Variants in TBC1D7 observed in about 807,000 individuals in gnomAD.
TBC1D7 encodes TBC1 domain family member 7, also known as TBC domain family 7.
TBC1D7 carries 33 observed loss-of-function variants against 35.3 expected under a neutral mutation model. That is an observed-to-expected ratio of 0.93 (90% CI 0.71 to 1.25). The LOEUF (loss-of-function observed/expected upper bound fraction) is 1.25, where lower values mean the gene tolerates loss of function less well. TBC1D7 is among the 50% of genes most tolerant of loss of function. The pLI, the probability that TBC1D7 is intolerant of heterozygous loss-of-function variation, is 0.00. For missense variants in TBC1D7, 362 were observed against 365.3 expected (o/e 0.99, Z 0.07); for synonymous variants, 135 against 129.5 (o/e 1.04, Z -0.29).
chr6:13,314,695 T>G (rs550384788), intron 5 of TBC1D7, among the ~76,000 whole-genome samples: 1 of 152,204 alleles, frequency 6.6e-6, no homozygotes, highest in African/African-American at 2.4e-5. Flanking sequence ...TCTCAGAAGC[T>G]GAAGGGTCTT....
chr6:13,309,217 AAC>A (rs1226625199), intron 5 of TBC1D7, among the ~76,000 whole-genome samples: 1 of 152,220 alleles, frequency 6.6e-6, no homozygotes, highest in Admixed American at 6.5e-5. Flanking sequence ...CTTGGTTGAA[AAC>A]ACACACACAG....
rs758759342 is a variant in TBC1D7 at position 13,320,966 on chromosome 6, T to TA, written c.322dup (p.Tyr108LeufsTer24). 88 of 1,614,070 alleles carry TA rather than the reference T, an allele frequency of 5.5e-5. No homozygotes were observed. Among genetic ancestry groups the TA allele is most frequent in the Non-Finnish European group, 6.8e-5 (80 of 1,180,040 alleles). Reference sequence around the variant, plus strand: ...AGACTCCAGCTGATACATGCGGAGATAGACTTCAGCCTGAGGTGTGGCATC... The same window carrying TA: ...AGACTCCAGCTGATACATGCGGAGATAAGACTTCAGCCTGAGGTGTGGCATC... On this transcript the variant is annotated frameshift_variant, in exon 4 of 8. Coordinates refer to ENST00000379300, the MANE Select transcript of TBC1D7 (RefSeq NM_016495.6). LOFTEE classifies it high-confidence loss of function.
chr6:13,316,704 G>C lies in TBC1D7; in HGVS notation c.386C>G (p.Pro129Arg). Residue 129 changes from proline to arginine, a missense_variant, in exon 5 of 8, where the codon CCA (proline) becomes CGA (arginine). Pro to Arg is a moderately radical substitution (Grantham distance 103, BLOSUM62 -2). Transcript: ENST00000379300. The stretch of plus-strand genomic sequence containing the variant: ...TATGGCAAGAAACACTTCATCATCT[G>C]GCTCCTGAAAGATTAATAATAAATC... ...LPRSPSFPLE[P>R]DDEVFLAIAK... is the part of the protein sequence containing the mutation. The C allele has an allele frequency of 6.2e-7, 1 of 1,613,608 alleles. No homozygotes were observed. Among genetic ancestry groups the C allele is most frequent in the East Asian group, 2.2e-5 (1 of 44,886 alleles).
At chr6:13,318,771 G>A (rs138622593) in intron 4 of TBC1D7, 4 of 152,230 alleles carry the variant, frequency 2.6e-5, no homozygotes, top group African/African-American at 9.6e-5. Context: ...GAAGGAGAAG[G>A]GAAAACTCTT....
chr6:13,312,195 C>T (rs1255201457), intron 5 of TBC1D7, among the ~76,000 whole-genome samples: 1 of 152,142 alleles, frequency 6.6e-6, no homozygotes. Flanking sequence ...AAATTTAGCA[C>T]TGCCTGACAT....
intron 5 of TBC1D7, among the ~76,000 whole-genome samples, chr6:13,311,029 T>C (rs1224165260): frequency 3.3e-5 from 5 of 152,164 alleles, no homozygotes; most frequent in Non-Finnish European, 4.4e-5. Context: ...TCTTACTTCA[T>C]GAGGACAATA....
rs529603143 is a variant in TBC1D7 at position 13,308,826 on chromosome 6, G to T, written c.520-1081C>A. On this transcript the variant is annotated intron_variant, in intron 5 of 7. Coordinates refer to ENST00000379300, the MANE Select transcript of TBC1D7 (RefSeq NM_016495.6). Reference sequence around the variant, plus strand: ...CCTGCCTTCAAGGAGCTTACAGCTTGAGACATACTAGTAAAGAGGTAACTA... The same window carrying T: ...CCTGCCTTCAAGGAGCTTACAGCTTTAGACATACTAGTAAAGAGGTAACTA... 8.2e-4 allele frequency among the ~76,000 whole-genome samples: 125 copies of T among 152,296 alleles called. 1 individual carries two copies. The highest frequency in any genetic ancestry group is 2.8e-3 in the African/African-American group (115 of 41,560).
chr6:13,320,659 A>G, intron 4 of TBC1D7: 2 of 637,716 alleles, frequency 3.1e-6, no homozygotes, highest in Non-Finnish European at 5.6e-6. Flanking sequence ...AATTCTTGGT[A>G]GTATTCTTGC....
intron 3 of TBC1D7, chr6:13,323,564 G>T (rs1314376971): frequency 6.6e-6 from 1 of 152,132 alleles, no homozygotes; most frequent in African/African-American, 2.4e-5. Context: ...ACGGAGAACA[G>T]TAACATTTAA....
intron 5 of TBC1D7, among the ~76,000 whole-genome samples, chr6:13,312,814 T>C (rs1400413611): frequency 2.8e-5 from 4 of 143,842 alleles, no homozygotes; most frequent in East Asian, 2.0e-4. Flanking sequence ...TGCTGGCAAA[T>C]CTCATTGTAT....
At chr6:13,308,085 G>C (rs758915305) in intron 5 of TBC1D7, among the ~76,000 whole-genome samples, 7 of 152,208 alleles carry the variant, frequency 4.6e-5, no homozygotes, top group African/African-American at 7.2e-5. Context: ...AAATTCAGTT[G>C]TTCTGAGGAG....
At chr6:13,306,696 T>C (rs986019188) in intron 6 of TBC1D7, 169 bp from the exon 7 acceptor site, 3 of 474,244 alleles carry the variant, frequency 6.3e-6, no homozygotes, top group Non-Finnish European at 7.2e-6. Context: ...CAGAAGCCAT[T>C]TGAAATCTAT....
chr6:13,322,597 A>C (rs1784119467), intron 3 of TBC1D7, among the ~76,000 whole-genome samples: 1 of 152,364 alleles, frequency 6.6e-6, no homozygotes, highest in South Asian at 2.1e-4. Context: ...TCTTTGGTGC[A>C]AAATGCCACA....
chr6:13,328,068 T>A (rs1784519666), intron 1 of TBC1D7: 1 of 151,776 alleles, frequency 6.6e-6, no homozygotes, highest in African/African-American at 2.4e-5. Flanking sequence ...GCGTAATGAG[T>A]GTGGGGATTT....
At chr6:13,323,827 T>C (rs1784219395) in intron 3 of TBC1D7, 1 of 152,248 alleles carries the variant, frequency 6.6e-6, no homozygotes, top group Non-Finnish European at 1.5e-5. Flanking sequence ...ACAATCTATC[T>C]TACCTTCAAA....
In TBC1D7 at chr6:13,316,628, G is replaced by A. The variant is rs778120907; in HGVS notation, c.462C>T (p.Ile154=). The change falls in exon 5 of 8, where the codon ATC becomes ATT. Residue 154 remains isoleucine (I), a synonymous_variant. Transcript: ENST00000379300. ...MVEDSVDCYW[I]TRRFVNQLNT... ...TTAATTGGTTCACAAAGCGTCGGGT[G>A]ATCCAGTAACAGTCGACACTATCTT... is the stretch of plus-strand genomic sequence containing the variant. 3.1e-6 allele frequency: 5 copies of A among 1,613,708 alleles called. No individual in the cohort carries two copies. Among genetic ancestry groups the A allele is most frequent in the Non-Finnish European group, 4.2e-6 (5 of 1,180,004 alleles).
At chr6:13,320,672 C>T (rs1562169658) in intron 4 of TBC1D7, 4 of 648,256 alleles carry the variant, frequency 6.2e-6, no homozygotes, top group Non-Finnish European at 5.5e-6. Flanking sequence ...ATTCTTGCAA[C>T]TTTTCTGGAA....
intron 5 of TBC1D7, among the ~76,000 whole-genome samples, chr6:13,315,366 C>A (rs944270543): frequency 4.6e-5 from 7 of 152,172 alleles, no homozygotes; most frequent in Non-Finnish European, 7.3e-5. Flanking sequence ...ATTTTCTTAA[C>A]ATTTTCTTTT....
intron 5 of TBC1D7, among the ~76,000 whole-genome samples, chr6:13,310,925 GATTT>G (rs1343418523): frequency 1.3e-5 from 2 of 152,040 alleles, no homozygotes; most frequent in Non-Finnish European, 1.5e-5. Flanking sequence ...ACATAGATGT[GATTT>G]ATTATAGATA....
Sources: allele counts gnomAD v4.1 joint callset (sites outside exome capture counted in the v4.1 genomes callset), GRCh38; gene constraint gnomAD v4.1.1; transcripts MANE v1.5; gene names NCBI Gene and HGNC (gene_info 2026-07-23, HGNC 2026-07-21).